Variants in RBFOX2 observed in about 807,000 individuals in gnomAD.
RBFOX2 encodes the protein RNA binding protein fox-1 homolog 2.
A neutral mutation model predicts 49.1 loss-of-function variants in RBFOX2; 10 were observed. The observed-to-expected ratio is 0.20, with a 90% CI of 0.13 to 0.35. The LOEUF (loss-of-function observed/expected upper bound fraction) is 0.35. Among genes scored for constraint, RBFOX2 ranks in the 10% least tolerant of loss-of-function variants. The pLI, the probability that RBFOX2 is intolerant of heterozygous loss-of-function variation, is 1.00. For missense variants in RBFOX2, 323 were observed against 486.9 expected (o/e 0.66, Z 3.17); for synonymous variants, 183 against 187.4 (o/e 0.98, Z 0.19).
At chr22:35,985,746 G>A (rs1280735256) in intron 1 of RBFOX2, among the ~76,000 whole-genome samples, 3 of 152,070 alleles carry the variant, frequency 2.0e-5, no homozygotes, top group Non-Finnish European at 2.9e-5. Flanking sequence ...AGGAGACAAC[G>A]GGGTCAAAGA....
chr22:35,772,388 AAC>A (rs767829976), intron 4 of RBFOX2, among the ~76,000 whole-genome samples: 2 of 152,176 alleles, frequency 1.3e-5, no homozygotes, highest in Non-Finnish European at 2.9e-5. Flanking sequence ...ACCCAATATA[AAC>A]ACATATTATT....
intron 1 of RBFOX2, among the ~76,000 whole-genome samples, chr22:35,814,710 C>CAAAAAAAAAAAAAAAAAAAA (rs55971445): frequency 6.4e-5 from 2 of 31,026 alleles, no homozygotes; most frequent in African/African-American, 1.1e-4. Context: ...AACCCTGTCT[C>CAAAAAAAAAAAAAAAAAAAA]AAAAAAAAAA....
upstream of RBFOX2, among the ~76,000 whole-genome samples, chr22:35,965,866 G>A (rs898755926): frequency 1.3e-5 from 2 of 152,112 alleles, no homozygotes; most frequent in African/African-American, 2.4e-5. Flanking sequence ...GCAAGTAGAA[G>A]AAAGTAAACT....
chr22:35,762,991 A>T (rs1244913705), intron 6 of RBFOX2, among the ~76,000 whole-genome samples: 1 of 152,186 alleles, frequency 6.6e-6, no homozygotes, highest in African/African-American at 2.4e-5. Context: ...CTAGGTTCAA[A>T]TCCTACTTGA....
chr22:35,753,710 GAAGT>G (rs1246677346), intron 9 of RBFOX2, among the ~76,000 whole-genome samples: 131 of 147,886 alleles, frequency 8.9e-4, no homozygotes, highest in East Asian at 1.2e-3. Flanking sequence ...GTAAAGTAAG[GAAGT>G]AAGATAACTA....
chr22:35,791,693 C>A (rs1202957531), intron 2 of RBFOX2, among the ~76,000 whole-genome samples: 3 of 152,128 alleles, frequency 2.0e-5, no homozygotes, highest in Admixed American at 2.0e-4. Context: ...ATACAAAAAA[C>A]CAATCATATA....
At chr22:35,747,046 C>G (rs1202987078) in intron 9 of RBFOX2, 2 of 152,488 alleles carry the variant, frequency 1.3e-5, no homozygotes, top group South Asian at 2.1e-4. Context: ...ACAGAAACCT[C>G]TGCTCCATCC....
intron 1 of RBFOX2, among the ~76,000 whole-genome samples, chr22:35,819,183 TA>T (rs1953886653): frequency 6.6e-6 from 1 of 152,176 alleles, no homozygotes. Flanking sequence ...GTAATTGAAT[TA>T]ACCAGGTAAT....
chr22:35,973,971 G>A (rs966870415), intron 1 of RBFOX2, among the ~76,000 whole-genome samples: 2 of 152,170 alleles, frequency 1.3e-5, no homozygotes, highest in Non-Finnish European at 2.9e-5. Context: ...ACTACATGAG[G>A]TGGGGTTCCC....
intron 1 of RBFOX2, among the ~76,000 whole-genome samples, chr22:36,027,454 A>G (rs978626237): frequency 1.3e-5 from 2 of 152,128 alleles, no homozygotes; most frequent in South Asian, 2.1e-4. Flanking sequence ...TCCCTACCCA[A>G]ATTAACCACG....
intron 2 of RBFOX2, among the ~76,000 whole-genome samples, chr22:35,785,433 T>G (rs1039205541): frequency 2.6e-5 from 4 of 152,160 alleles, no homozygotes; most frequent in African/African-American, 9.7e-5. Context: ...GGAGTGGAAC[T>G]TGCTGTTCTT....
intron 1 of RBFOX2, among the ~76,000 whole-genome samples, chr22:35,975,622 AGTATTTTCAAAGCTAATT>A (rs2057107755): frequency 6.6e-6 from 1 of 152,184 alleles, no homozygotes; most frequent in South Asian, 2.1e-4. Context: ...CTTGGGAGTC[AGTATTTTCAAAGCTAATT>A]GTAACAAGCA....
At chr22:35,750,692 G>A (rs1055990471) in intron 9 of RBFOX2, among the ~76,000 whole-genome samples, 1 of 152,128 alleles carries the variant, frequency 6.6e-6, no homozygotes, top group African/African-American at 2.4e-5. Context: ...GTGCTTCATC[G>A]CTCCCCTATT....
At chr22:35,818,332 G>A (rs920356375) in intron 1 of RBFOX2, among the ~76,000 whole-genome samples, 1 of 152,130 alleles carries the variant, frequency 6.6e-6, no homozygotes, top group African/African-American at 2.4e-5. Context: ...TTAACTGTCT[G>A]TTCTATTCAA....
At chr22:35,898,417 T>A (rs1456335957) in intron 1 of RBFOX2, 1 of 370,754 alleles carries the variant, frequency 2.7e-6, no homozygotes, top group Non-Finnish European at 4.9e-6. Context: ...TCTCCCACAA[T>A]CCTTTTTTTT....
At chr22:35,795,887 G>A (rs1010684494) in intron 2 of RBFOX2, among the ~76,000 whole-genome samples, 1 of 152,102 alleles carries the variant, frequency 6.6e-6, no homozygotes, top group African/African-American at 2.4e-5. Context: ...CTCTTATTGA[G>A]CATTATTGCT....
intron 1 of RBFOX2, among the ~76,000 whole-genome samples, chr22:35,827,040 G>A (rs1386067205): frequency 6.6e-6 from 1 of 152,108 alleles, no homozygotes; most frequent in East Asian, 1.9e-4. Context: ...ACAGTCAGGT[G>A]ACCATTTTAA....
At chr22:35,853,428 G>A (rs2042163227) in intron 1 of RBFOX2, among the ~76,000 whole-genome samples, 1 of 151,986 alleles carries the variant, frequency 6.6e-6, no homozygotes, top group African/African-American at 2.4e-5. Context: ...AATAAATTAT[G>A]TATGTAATTA....
chr22:35,944,981 C>T (rs1479161040), intron 1 of RBFOX2, among the ~76,000 whole-genome samples: 1 of 152,066 alleles, frequency 6.6e-6, no homozygotes, highest in African/African-American at 2.4e-5. Context: ...ATCCACAAAA[C>T]CATCCCACTG....
Sources: gnomAD v4.1 joint callset for allele counts (sites outside exome capture counted in the v4.1 genomes callset) on GRCh38, gnomAD v4.1.1 for gene constraint, MANE v1.5 for transcripts, NCBI Gene and HGNC (gene_info 2026-07-23, HGNC 2026-07-21) for gene names.